DERPC: variants seen among roughly 807,000 people sequenced by gnomAD.
The protein encoded by DERPC is decreased expression in renal and prostate cancer protein.
DERPC carries 1 observed loss-of-function variant against 7.2 expected under a neutral mutation model. The ratio of observed to expected loss-of-function variants is 0.14; its 90% CI spans 0.05 to 0.66. The LOEUF is 0.66. DERPC is among the 30% of genes least tolerant of loss of function. The pLI is 0.84. For synonymous variants in DERPC, 185 were observed against 117.6 expected, an observed-to-expected ratio of 1.57 and a Z score of -3.71; for missense variants, 502 against 299.4, an observed-to-expected ratio of 1.68 and a Z score of -4.99.
chr16:69,118,796 C>G lies in DERPC; in HGVS notation c.*58G>C. ...ACAACTACCCTTTTACCTAAGACAG[C>G]CCCTGCCAAGAACCACAGTGCCTAG... On this transcript the variant is annotated 3_prime_UTR_variant, in exon 3 of 3. Transcript: ENST00000519520. 1 of 657,662 alleles carries G rather than the reference C, an allele frequency of 1.5e-6. No homozygotes were observed. Among genetic ancestry groups the G allele is most frequent in the Non-Finnish European group, 2.7e-6 (1 of 363,650 alleles). 40.7% of individuals were successfully genotyped at this position (657,662 alleles called of 1,614,324 possible). A position where few individuals can be genotyped will look rare whatever the true frequency, so the allele number is the denominator to read the frequency against.
At chr16:69,122,992 C>T (rs1397625933) in intron 1 of DERPC, among the ~76,000 whole-genome samples, 1 of 152,094 alleles carries the variant, frequency 6.6e-6, no homozygotes, top group African/African-American at 2.4e-5. Flanking sequence ...ATCTCTTGAC[C>T]TCATGATCCG....
intron 1 of DERPC, among the ~76,000 whole-genome samples, chr16:69,129,710 TCTC>T (rs1002171595): frequency 6.6e-6 from 1 of 152,126 alleles, no homozygotes; most frequent in African/African-American, 2.4e-5. Context: ...CTCTTGCAGT[TCTC>T]CTCACACAGC....
chr16:69,119,926 C>G lies in DERPC; in HGVS notation c.503G>C (p.Gly168Ala), dbSNP rs1359377820. 7.1e-6 allele frequency: 5 copies of G among 702,608 alleles called. No individual in the cohort carries two copies. The East Asian group carries it at 1.3e-4, about 19-fold the overall frequency. The allele number at this position is 702,608 out of a possible 1,614,324, so 43.5% of individuals were successfully genotyped here. Residue 168 changes from glycine (G) to alanine (A), a missense_variant, in exon 3 of 3, where the codon GGT (glycine) becomes GCT (alanine). Coordinates refer to ENST00000519520, the MANE Select transcript of DERPC (RefSeq NM_001002847.4). Reference sequence around the variant, plus strand: ...GGGACCACCACCTCTGGGGTCAGGACCTGCTCCCAGGAGACCACCTGCCCT... The same window carrying G: ...GGGACCACCACCTCTGGGGTCAGGAGCTGCTCCCAGGAGACCACCTGCCCT... ...NPRAGGLLGAGPDPRGGGPMG... is the reference protein window; with the variant it reads ...NPRAGGLLGAAPDPRGGGPMG...
intron 1 of DERPC, among the ~76,000 whole-genome samples, chr16:69,130,496 G>A (rs779283429): frequency 3.3e-5 from 5 of 152,106 alleles, no homozygotes; most frequent in Non-Finnish European, 7.4e-5. Context: ...CTTTGTTTAC[G>A]AATATAGTGA....
In DERPC at chr16:69,120,986, TG is replaced by T. The variant is rs754897807; in HGVS notation, c.-221-338del. The T allele has an allele frequency of 1.5e-6, 2 of 1,364,640 alleles. No individual in the cohort carries two copies. The highest frequency in any genetic ancestry group is 2.1e-6 in the Non-Finnish European group (2 of 952,024). The allele number at this position is 1,364,640 out of a possible 1,614,324, so 84.5% of individuals were successfully genotyped here. ...CTGAGGCAGTCCTCACTCTGGGTCCTGGGAGCACCACCTTGGTGTAGCTTGC... is the reference window on the plus strand; with the variant it reads ...CTGAGGCAGTCCTCACTCTGGGTCCTGGAGCACCACCTTGGTGTAGCTTGC... On this transcript the variant is annotated intron_variant, in intron 2 of 2. Coordinates refer to ENST00000519520, the MANE Select transcript of DERPC (RefSeq NM_001002847.4). The surrounding 1 kb of genome is among the most constrained non-coding windows in gnomAD (Gnocchi z 4.0).
At chr16:69,128,040 G>A (rs967129639) in intron 1 of DERPC, among the ~76,000 whole-genome samples, 6 of 152,050 alleles carry the variant, frequency 3.9e-5, no homozygotes, top group African/African-American at 7.2e-5. Flanking sequence ...TCAGCCTCCC[G>A]AGTAACTGGA....
In DERPC at chr16:69,119,414, C is replaced by T. The variant is rs1285978944; in HGVS notation, c.1015G>A (p.Gly339Ser). ...TGAGCTGAATTAGGGCCTATGGGGC[C>T]AGGAGCCCTTGACATGGGAGATGGA... is the stretch of plus-strand genomic sequence containing the variant. ...PNPSPMSRAP[G>S]PIGPNSAHFS... The change falls in exon 3 of 3, where the codon GGC (glycine) becomes AGC (serine). Residue 339 changes from glycine to serine, a missense_variant. Transcript: ENST00000519520. The T allele has an allele frequency of 1.1e-5, 8 of 702,838 alleles. No individual in the cohort carries two copies. The highest frequency in any genetic ancestry group is 2.1e-5 in the Non-Finnish European group (8 of 384,986). 43.5% of individuals were successfully genotyped at this position (702,838 alleles called of 1,614,324 possible). A position where few individuals can be genotyped will look rare whatever the true frequency, so the allele number is the denominator to read the frequency against.
chr16:69,129,953 C>CA (rs1369658451), intron 1 of DERPC, among the ~76,000 whole-genome samples: 1 of 152,228 alleles, frequency 6.6e-6, no homozygotes, highest in Admixed American at 6.5e-5. Context: ...AAAATCTACT[C>CA]AATGCCACCT....
At position 69,118,521 on chromosome 16, in the gene DERPC, T is replaced by C. The variant is rs775897961; in HGVS notation, c.*333A>G. On this transcript the variant is annotated 3_prime_UTR_variant, in exon 3 of 3. Transcript: ENST00000519520. ...GTGAACTGGGACCTGCAGGCCAATG[T>C]ATCCCTGAGGAAAAGTCCACAAGAA... 1.6e-4 allele frequency: 161 copies of C among 994,698 alleles called. No individual in the cohort carries two copies. Among genetic ancestry groups the C allele is most frequent in the Non-Finnish European group, 1.1e-4 (69 of 615,330 alleles). The allele number at this position is 994,698 out of a possible 1,614,324, so 61.6% of individuals were successfully genotyped here. A position where few individuals can be genotyped will look rare whatever the true frequency, so the allele number is the denominator to read the frequency against.
In DERPC at chr16:69,118,552, CAAGAAACTAGT is replaced by C. The variant is rs984374134; in HGVS notation, c.*291_*301del. ...TGAGGAAAAGTCCACAAGAACAATTCAAGAAACTAGTAAGAAACAATGGGCAGAAAGCTGTG... is the reference window on the plus strand; with the variant it reads ...TGAGGAAAAGTCCACAAGAACAATTCAAGAAACAATGGGCAGAAAGCTGTG... On this transcript the variant is annotated 3_prime_UTR_variant, in exon 3 of 3. Transcript: ENST00000519520. 1.2e-6 allele frequency: 1 copy of C among 821,968 alleles called. No homozygotes were observed. 50.9% of individuals were successfully genotyped at this position (821,968 alleles called of 1,614,324 possible). A position where few individuals can be genotyped will look rare whatever the true frequency, so the allele number is the denominator to read the frequency against.
In DERPC at chr16:69,120,347, C is replaced by T. The variant is rs764454622; in HGVS notation, c.82G>A (p.Gly28Ser). 1.3e-5 allele frequency: 18 copies of T among 1,429,704 alleles called. No homozygotes were observed. The East Asian group carries it at 2.1e-4, about 16-fold the overall frequency. The allele number at this position is 1,429,704 out of a possible 1,614,324, so 88.6% of individuals were successfully genotyped here. Residue 28 changes from glycine (G) to serine (S), a missense_variant, in exon 3 of 3, where the codon GGT becomes AGT. Gly to Ser is a moderately conservative substitution (Grantham distance 56). Transcript: ENST00000519520. This position sits in a 1 kb window ranked among gnomAD's most constrained non-coding sequence, Gnocchi z 4.0. ...APLPPRGRLD[G>S]SLGPQGGPVL... ...GGACCCCCCTGTGGTCCCAGGGAAC[C>T]GTCGAGCCGTCCTCGAGGTGGCAGC...
At chr16:69,121,519 G>T in intron 1 of DERPC, 26 bp from the exon 2 acceptor site, 1 of 1,427,766 alleles carries the variant, frequency 7.0e-7, no homozygotes, top group South Asian at 1.2e-5. Flanking sequence ...AAGAGATTTA[G>T]GGTAATAACA....
intron 1 of DERPC, among the ~76,000 whole-genome samples, chr16:69,128,274 AG>A (rs1455445439): frequency 6.6e-6 from 1 of 152,218 alleles, no homozygotes; most frequent in Non-Finnish European, 1.5e-5. Context: ...GTCTTTCGTT[AG>A]GAACAATAAT....
chr16:69,122,364 TC>T (rs1243580362), intron 1 of DERPC, among the ~76,000 whole-genome samples: 4 of 150,014 alleles, frequency 2.7e-5, no homozygotes, highest in African/African-American at 7.4e-5. Flanking sequence ...TTAAGGATAT[TC>T]TTTTTTTTTT....
At chr16:69,123,009 T>C (rs1411573773) in intron 1 of DERPC, among the ~76,000 whole-genome samples, 1 of 152,134 alleles carries the variant, frequency 6.6e-6, no homozygotes, top group Non-Finnish European at 1.5e-5. Context: ...TCCGCCCACC[T>C]TGGCCTCTCA....
rs774810049 is a variant in DERPC at position 69,120,508 on chromosome 16, G to A, written c.-80C>T. On this transcript the variant is annotated 5_prime_UTR_variant, in exon 3 of 3. Transcript: ENST00000519520. The surrounding 1 kb of genome is among the most constrained non-coding windows in gnomAD (Gnocchi z 4.0). Reference sequence around the variant, plus strand: ...TTGTCTTTGATGAGTGCTGTCACCAGGTACCGGGTGCCAGTCTCGCGGCCA... The same window carrying A: ...TTGTCTTTGATGAGTGCTGTCACCAAGTACCGGGTGCCAGTCTCGCGGCCA... The A allele has an allele frequency of 5.0e-6, 8 of 1,614,024 alleles. No homozygotes were observed. Among genetic ancestry groups the A allele is most frequent in the Middle Eastern group, 1.6e-4 (1 of 6,084 alleles).
intron 1 of DERPC, among the ~76,000 whole-genome samples, chr16:69,125,092 C>T (rs986309886): frequency 1.3e-5 from 2 of 150,870 alleles, no homozygotes; most frequent in African/African-American, 4.9e-5. Flanking sequence ...TTAATAGAGA[C>T]GGGGCTTCTC....
In DERPC at chr16:69,132,513, G is replaced by T. The variant is rs1481671706; in HGVS notation, c.-309C>A. 1 of 283,654 alleles carries T rather than the reference G, an allele frequency of 3.5e-6. No homozygotes were observed. The highest frequency in any genetic ancestry group is 2.7e-5 in the South Asian group (1 of 36,408). The allele number at this position is 283,654 out of a possible 1,614,324, so 17.6% of individuals were successfully genotyped here. A position where few individuals can be genotyped will look rare whatever the true frequency, so the allele number is the denominator to read the frequency against. On this transcript the variant is annotated 5_prime_UTR_variant, in exon 1 of 3. Transcript: ENST00000519520. ...AATGGCGGCCGCCGAGCGCGGCGCC[G>T]CGCGGCCAACGGGCGACAACCGAAC...
Position 69,119,514 on chromosome 16 carries a change from G to A in DERPC, c.915C>T (p.Ser305=), listed in dbSNP as rs1051030771. 6 of 702,746 alleles carry A rather than the reference G, an allele frequency of 8.5e-6. No homozygotes were observed. The highest frequency in any genetic ancestry group is 1.6e-5 in the Non-Finnish European group (6 of 384,984). The allele number at this position is 702,746 out of a possible 1,614,324, so 43.5% of individuals were successfully genotyped here. A position where few individuals can be genotyped will look rare whatever the true frequency, so the allele number is the denominator to read the frequency against. The change falls in exon 3 of 3, where the codon TCC becomes TCT. Residue 305 remains serine, a synonymous_variant. Coordinates refer to ENST00000519520, the MANE Select transcript of DERPC (RefSeq NM_001002847.4). ...CCATGGGGCCAGGTACTCTTGCCAT[G>A]GAGGATGGGCTTGTGCCCATGTTTC... ...ASGNMGTSPS[S]MARVPGPMGP...
Sources: allele counts gnomAD v4.1 joint callset (sites outside exome capture counted in the v4.1 genomes callset), GRCh38; gene constraint gnomAD v4.1.1; non-coding constraint Gnocchi (gnomAD v3.1); transcripts MANE v1.5; gene names NCBI Gene and HGNC (gene_info 2026-07-23, HGNC 2026-07-21).